Variants in ATF7 observed in about 807,000 individuals in gnomAD.
The protein encoded by ATF7 is activating transcription factor 7.
ATF7 carries 10 observed loss-of-function variants against 50.4 expected under a neutral mutation model. That is an observed-to-expected ratio of 0.20 (90% confidence interval 0.12 to 0.34). ATF7 has a LOEUF of 0.34. ATF7 is among the 10% of genes least tolerant of loss of function. The probability of loss-of-function intolerance (pLI) is 1.00; values close to 1 mark genes in which losing one functional copy is unlikely to be tolerated. For missense variants in ATF7, 465 were observed against 613.9 expected (o/e 0.76, Z 2.56); for synonymous variants, 201 against 226.4 (o/e 0.89, Z 1.01).
chr12:53,615,218 C>A (rs973998535), intron 1 of ATF7, among the ~76,000 whole-genome samples: 2 of 151,888 alleles, frequency 1.3e-5, no homozygotes. Flanking sequence ...CCCGTCTCTA[C>A]TAAAAATACA....
At chr12:53,585,878 C>A (rs918154355) in intron 2 of ATF7, among the ~76,000 whole-genome samples, 1 of 152,138 alleles carries the variant, frequency 6.6e-6, no homozygotes, top group Non-Finnish European at 1.5e-5. Context: ...CTCTGACAAG[C>A]CGATTACTGT....
intron 3 of ATF7, among the ~76,000 whole-genome samples, chr12:53,545,565 A>G (rs1939847270): frequency 6.6e-6 from 1 of 151,884 alleles, no homozygotes; most frequent in Non-Finnish European, 1.5e-5. Flanking sequence ...CGAACTCCCA[A>G]CCTCAGGTGA....
intron 1 of ATF7, among the ~76,000 whole-genome samples, chr12:53,620,257 G>A (rs1160462325): frequency 6.6e-6 from 1 of 152,054 alleles, no homozygotes; most frequent in African/African-American, 2.4e-5. Flanking sequence ...TGGCCAACAT[G>A]ATGAAAACCC....
In ATF7 at chr12:53,599,208, A is replaced by AT. The variant is rs200678097; in HGVS notation, c.48+1744dup. 1.9e-3 allele frequency among the ~76,000 whole-genome samples: 273 copies of AT among 146,234 alleles called. 1 individual carries two copies. The highest frequency in any genetic ancestry group is 2.8e-3 in the Non-Finnish European group (188 of 66,064). On this transcript the variant is annotated intron_variant, in intron 2 of 11. Transcript: ENST00000420353. ...GCCACCATGCCTGGCTAATTTTTAA[A>AT]TTTTTTTTTTTTGTAAAGACAGGGT... is the stretch of plus-strand genomic sequence containing the variant.
At chr12:53,592,084 G>A (rs774716862) in intron 2 of ATF7, among the ~76,000 whole-genome samples, 3 of 152,228 alleles carry the variant, frequency 2.0e-5, no homozygotes, top group Admixed American at 6.5e-5. Context: ...AGCAGTTAGA[G>A]CAGAAGTTGG....
chr12:53,582,375 C>T (rs1260285104), intron 2 of ATF7, among the ~76,000 whole-genome samples: 1 of 150,426 alleles, frequency 6.6e-6, no homozygotes, highest in Non-Finnish European at 1.5e-5. Context: ...GTGCCTCATG[C>T]CTGTAATCCC....
At chr12:53,602,115 A>G (rs1217673835) in intron 1 of ATF7, among the ~76,000 whole-genome samples, 1 of 152,216 alleles carries the variant, frequency 6.6e-6, no homozygotes, top group East Asian at 1.9e-4. Flanking sequence ...TGGAAGAGAA[A>G]AATGGAGTGG....
chr12:53,555,322 T>C (rs1940658754), intron 2 of ATF7, among the ~76,000 whole-genome samples: 1 of 141,034 alleles, frequency 7.1e-6, no homozygotes, highest in Admixed American at 7.1e-5. Context: ...TGAAACTCCA[T>C]CTCAAAAAAA....
chr12:53,532,434 C>G, intron 8 of ATF7, 76 bp downstream of exon 8: 1 of 1,212,112 alleles, frequency 8.3e-7, no homozygotes, highest in Non-Finnish European at 1.2e-6. Flanking sequence ...TTGCTTGGCT[C>G]ACTTGAAAGA....
chr12:53,585,422 A>G (rs986390274), intron 2 of ATF7, among the ~76,000 whole-genome samples: 60 of 152,188 alleles, frequency 3.9e-4, no homozygotes, highest in African/African-American at 1.3e-3. Flanking sequence ...ACAGTGGGGG[A>G]GGCTAGTGTG....
intron 2 of ATF7, among the ~76,000 whole-genome samples, chr12:53,580,103 G>C (rs935895876): frequency 2.0e-5 from 3 of 151,722 alleles, no homozygotes; most frequent in African/African-American, 4.8e-5. Context: ...GCTAATTTTT[G>C]TATTTTTAGT....
Position 53,600,973 on chromosome 12 carries a change from T to C in ATF7, c.28A>G (p.Asn10Asp). 1 of 1,613,388 alleles carries C rather than the reference T, an allele frequency of 6.2e-7. No homozygotes were observed. Among genetic ancestry groups the C allele is most frequent in the Non-Finnish European group, 8.5e-7 (1 of 1,179,660 alleles). The change falls in exon 2 of 12, where the codon AAT becomes GAT. Residue 10 changes from asparagine to aspartate, a missense_variant. Coordinates refer to ENST00000420353, the MANE Select transcript of ATF7 (RefSeq NM_006856.3). Reference sequence around the variant, plus strand: ...CGTACCTGTCCACAGCCCGGGGCATTGCACACAAACGGTCTGTCGTCTCCC... The same window carrying C: ...CGTACCTGTCCACAGCCCGGGGCATCGCACACAAACGGTCTGTCGTCTCCC... MGDDRPFVC[N>D]APGCGQRFTN...
At chr12:53,599,457 GAT>G (rs149294466) in intron 2 of ATF7, among the ~76,000 whole-genome samples, 2 of 149,624 alleles carry the variant, frequency 1.3e-5, no homozygotes, top group Admixed American at 6.6e-5. Flanking sequence ...TATAAATGGA[GAT>G]ATATATATAT....
chr12:53,555,034 A>T (rs1940634368), intron 2 of ATF7, among the ~76,000 whole-genome samples: 2 of 152,102 alleles, frequency 1.3e-5, no homozygotes, highest in Non-Finnish European at 2.9e-5. Context: ...TCCGTAAGAA[A>T]AAAGTGGCCG....
At position 53,512,340 on chromosome 12, in the gene ATF7, TCCTA is replaced by T. The variant is rs1168760000; in HGVS notation, c.*4793_*4796del. 6.6e-6 allele frequency: 1 copy of T among 152,232 alleles called. No homozygotes were observed. Among genetic ancestry groups the T allele is most frequent in the Non-Finnish European group, 1.5e-5 (1 of 68,050 alleles). The allele number at this position is 152,232 out of a possible 1,614,324, so 9.4% of individuals were successfully genotyped here. A position where few individuals can be genotyped will look rare whatever the true frequency, so the allele number is the denominator to read the frequency against. On this transcript the variant is annotated 3_prime_UTR_variant, in exon 12 of 12. Transcript: ENST00000420353. ...CAAAATAGCCTGCAGCACTGCATCC[TCCTA>T]CCTGTCAAAGGCCACCACTGGGCAC...
At chr12:53,525,388 G>C (rs1938389994) in intron 9 of ATF7, among the ~76,000 whole-genome samples, 1 of 152,172 alleles carries the variant, frequency 6.6e-6, no homozygotes, top group African/African-American at 2.4e-5. Context: ...GAATCTTATA[G>C]GCAGGGAAAT....
intron 1 of ATF7, among the ~76,000 whole-genome samples, chr12:53,620,382 C>T (rs1944326389): frequency 6.6e-6 from 1 of 151,544 alleles, no homozygotes; most frequent in Non-Finnish European, 1.5e-5. Flanking sequence ...CGAGACCATC[C>T]TGGCTAAAAC....
chr12:53,541,418 TA>T (rs1939544723), intron 4 of ATF7, among the ~76,000 whole-genome samples: 1 of 152,182 alleles, frequency 6.6e-6, no homozygotes, highest in Admixed American at 6.6e-5. Context: ...TAGTGACCAA[TA>T]ACCTAGAATT....
At chr12:53,578,804 T>A (rs868169554) in intron 2 of ATF7, among the ~76,000 whole-genome samples, 44 of 139,172 alleles carry the variant, frequency 3.2e-4, no homozygotes, top group East Asian at 4.2e-4. Flanking sequence ...AAAAAAAAAA[T>A]ATCTGGGATT....
Sources: allele counts gnomAD v4.1 joint callset (sites outside exome capture counted in the v4.1 genomes callset), GRCh38; gene constraint gnomAD v4.1.1; transcripts MANE v1.5; gene names NCBI Gene and HGNC (gene_info 2026-07-23, HGNC 2026-07-21).